The following UTP20 variants were observed in gnomAD, a reference collection of about 807,000 sequenced individuals.
UTP20 encodes UTP20 small subunit processome component, also known as small subunit processome component 20 homolog.
UTP20 carries 164 observed loss-of-function variants against 329.5 expected under a neutral mutation model. That is an observed-to-expected ratio of 0.50 (90% CI 0.44 to 0.57). UTP20 has a LOEUF of 0.57. UTP20 is among the 20% of genes least tolerant of loss of function. The probability of loss-of-function intolerance (pLI) is 0.00; values close to 1 mark genes in which losing one functional copy is unlikely to be tolerated. For synonymous variants in UTP20, 1,151 were observed against 1,159.3 expected (o/e 0.99, Z 0.14); for missense variants, 3,055 against 3,284.2 (o/e 0.93, Z 1.71).
chr12:101,367,734 T>G, intron 47 of UTP20, 126 bp from the exon 48 acceptor site: 1 of 667,938 alleles, frequency 1.5e-6, no homozygotes, highest in South Asian at 1.8e-5. Flanking sequence ...TCCTTAAAAA[T>G]GTTTTATCAT....
Position 101,338,188 on chromosome 12 carries a change from T to A in UTP20, c.3779T>A (p.Leu1260His). The change falls in exon 30 of 62, where the codon CTT (leucine) becomes CAT (histidine). Residue 1260 changes from leucine (L) to histidine (H), a missense_variant. Coordinates refer to ENST00000261637, the MANE Select transcript of UTP20 (RefSeq NM_014503.3). ...SIVMDIVDDL[L>H]NLPDFEPTET... ...GTAATGGACATAGTTGATGACCTTC[T>A]TAACCTTCCAGATTTCGAGCCTACA... 1.2e-6 allele frequency: 2 copies of A among 1,614,192 alleles called. No individual in the cohort carries two copies. Among genetic ancestry groups the A allele is most frequent in the Non-Finnish European group, 1.7e-6 (2 of 1,180,024 alleles).
chr12:101,288,971 C>T lies in UTP20; in HGVS notation c.527C>T (p.Thr176Ile), dbSNP rs566754342. 7 of 1,613,578 alleles carry T rather than the reference C, an allele frequency of 4.3e-6. No homozygotes were observed. Among genetic ancestry groups the T allele is most frequent in the East Asian group, 2.2e-5 (1 of 44,866 alleles). Reference sequence around the variant, plus strand: ...TTTTTCATGTATAGCATGTACAGCACACTCCTGGCTCATAAAAAACTACAT... The same window carrying T: ...TTTTTCATGTATAGCATGTACAGCATACTCCTGGCTCATAAAAAACTACAT... ...DMSSIYSMYS[T>I]LLAHKKLHIR... The change falls in exon 6 of 62, where the codon ACA (threonine) becomes ATA (isoleucine). Residue 176 changes from threonine (T) to isoleucine (I), a missense_variant. Physicochemically the swap from Thr to Ile is moderately conservative, Grantham distance 89. Transcript: ENST00000261637.
At chr12:101,313,570 A>G (rs182891124) in intron 21 of UTP20, among the ~76,000 whole-genome samples, 11 of 152,314 alleles carry the variant, frequency 7.2e-5, no homozygotes, top group Non-Finnish European at 8.8e-5. Flanking sequence ...AAGTCCAAGC[A>G]AGAAGTGATG....
At chr12:101,372,746 G>A in intron 51 of UTP20, 138 bp from the exon 52 acceptor site, 1 of 638,028 alleles carries the variant, frequency 1.6e-6, no homozygotes, top group Non-Finnish European at 2.8e-6. Context: ...AGATTTAGCT[G>A]GAGTGCATTG....
intron 57 of UTP20, among the ~76,000 whole-genome samples, chr12:101,380,394 G>GAAAGA (rs1555203418): frequency 6.6e-6 from 1 of 151,836 alleles, no homozygotes; most frequent in Non-Finnish European, 1.5e-5. Flanking sequence ...CAAAAAGAAA[G>GAAAGA]AAAGAAAAGA....
intron 48 of UTP20, 128 bp downstream of exon 48, chr12:101,368,104 G>GTGGGTTTTT: frequency 8.7e-6 from 6 of 691,898 alleles, no homozygotes; most frequent in Non-Finnish European, 1.2e-5. Flanking sequence ...TGTTTGGTTG[G>GTGGGTTTTT]TGGGTTTTTT....
In UTP20 at chr12:101,290,293, T is replaced by C. The variant is rs1239685228; in HGVS notation, c.735+19T>C. 1.3e-6 allele frequency: 2 copies of C among 1,571,754 alleles called. No individual in the cohort carries two copies. The highest frequency in any genetic ancestry group is 2.7e-5 in the African/African-American group (2 of 72,838). Reference sequence around the variant, plus strand: ...AGGCCAGGTACATAATGGGGAGGGGTGCTTAGAGTCTATGTGGATGGATGA... The same window carrying C: ...AGGCCAGGTACATAATGGGGAGGGGCGCTTAGAGTCTATGTGGATGGATGA... On this transcript the variant is annotated intron_variant, in intron 7 of 61. Transcript: ENST00000261637.
chr12:101,385,764 G>A (rs1870806588), intron 61 of UTP20, 36 bp downstream of exon 61: 2 of 1,595,314 alleles, frequency 1.3e-6, no homozygotes, highest in South Asian at 2.3e-5. Flanking sequence ...CATGTTCACT[G>A]GACTTGATAA....
chr12:101,289,946 C>G (rs930264575), intron 6 of UTP20, 191 bp from the exon 7 acceptor site: 2 of 360,036 alleles, frequency 5.6e-6, no homozygotes, highest in Admixed American at 4.8e-5. Flanking sequence ...AATGAATTCA[C>G]TCTTTTGTGT....
intron 2 of UTP20, among the ~76,000 whole-genome samples, chr12:101,283,735 A>T (rs1871870536): frequency 6.6e-6 from 1 of 152,230 alleles, no homozygotes; most frequent in Non-Finnish European, 1.5e-5. Context: ...TGAAAAATAG[A>T]GATAGGATCT....
intron 26 of UTP20, 96 bp downstream of exon 26, chr12:101,327,343 A>G: frequency 7.9e-7 from 1 of 1,273,090 alleles, no homozygotes; most frequent in South Asian, 2.4e-5. Flanking sequence ...CGTCTTTCTA[A>G]CAGGGTTGTT....
rs761222250 is a variant in UTP20, at chr12:101,285,684, A to C, written c.193+48A>C. 12 of 1,613,534 alleles carry C rather than the reference A, an allele frequency of 7.4e-6. No homozygotes were observed. In the Admixed American group the frequency reaches 2.0e-4, roughly 27 times the overall value. ...TTTATTCACCCATAGTTTGCACTTT[A>C]TATGTTCCATACAGCTGAATAGTGG... On this transcript the variant is annotated intron_variant, in intron 3 of 61. Coordinates refer to ENST00000261637, the MANE Select transcript of UTP20 (RefSeq NM_014503.3).
Position 101,386,330 on chromosome 12 carries a change from C to T in UTP20, c.*207C>T. The T allele has an allele frequency of 6.7e-6, 3 of 446,040 alleles. No homozygotes were observed. The highest frequency in any genetic ancestry group is 1.2e-5 in the Non-Finnish European group (3 of 257,982). 27.6% of individuals were successfully genotyped at this position (446,040 alleles called of 1,614,324 possible). ...CAAGTGATCCTCTCACCTCAGCCTC[C>T]CAAGTAGTTGTGCCTCCTAGGCACA... On this transcript the variant is annotated 3_prime_UTR_variant, in exon 62 of 62. Transcript: ENST00000261637.
At position 101,329,294 on chromosome 12, in the gene UTP20, G is replaced by A. The variant is rs746147073; in HGVS notation, c.3262G>A (p.Val1088Ile). The A allele has an allele frequency of 5.0e-6, 8 of 1,614,138 alleles. 1 individual carries two copies. In the Admixed American group the frequency reaches 6.7e-5, roughly 13 times the overall value. ...AGTAGAAGACTTGGATTTGTCTAAA[G>A]TTCTTCCTTTAGGTCGTCAGCACGG... ...QAVEDLDLSK[V>I]LPLGRQHGIL... Residue 1088 changes from valine (V) to isoleucine (I), a missense_variant, in exon 27 of 62, where the codon GTT becomes ATT. By Grantham distance (29) the Val-to-Ile change is conservative. Around this residue, in one of 3 missense-constraint regions of UTP20, gnomAD observed 2,445 missense variants for 2,575.5 expected, o/e 0.95. Transcript: ENST00000261637.
At chr12:101,282,071 T>A (rs1871816138) in intron 2 of UTP20, among the ~76,000 whole-genome samples, 1 of 152,218 alleles carries the variant, frequency 6.6e-6, no homozygotes, top group African/African-American at 2.4e-5. Flanking sequence ...TTTAAGGTCG[T>A]ACGTAACATG....
At chr12:101,357,184 G>T in intron 43 of UTP20, 102 bp downstream of exon 43, 2 of 1,091,482 alleles carry the variant, frequency 1.8e-6, no homozygotes, top group African/African-American at 1.6e-5. Flanking sequence ...CTTTAAATTT[G>T]ATCCACTGAC....
intron 58 of UTP20, among the ~76,000 whole-genome samples, chr12:101,382,353 G>A (rs1291337848): frequency 1.3e-5 from 2 of 149,468 alleles, no homozygotes; most frequent in South Asian, 4.3e-4. Context: ...AGCCGAGATC[G>A]CACCACTGCA....
intron 21 of UTP20, among the ~76,000 whole-genome samples, chr12:101,314,948 TG>T (rs536206140): frequency 1.4e-3 from 210 of 151,558 alleles, no homozygotes; most frequent in African/African-American, 4.8e-3. Flanking sequence ...AAAAATTAGC[TG>T]GGCATGGTGG....
At chr12:101,280,744 G>T (rs1165883102) in intron 1 of UTP20, among the ~76,000 whole-genome samples, 1 of 152,150 alleles carries the variant, frequency 6.6e-6, no homozygotes, top group African/African-American at 2.4e-5. Context: ...TCTTCCTTAG[G>T]ATACAATCAT....
Sources: gnomAD v4.1 joint callset for allele counts (sites outside exome capture counted in the v4.1 genomes callset) on GRCh38, gnomAD v4.1.1 for gene constraint, gnomAD v4.1.1 regional missense constraint, MANE v1.5 for transcripts, NCBI Gene and HGNC (gene_info 2026-07-23, HGNC 2026-07-21) for gene names.